Variants in EML5 observed in about 807,000 individuals in gnomAD.
EML5 encodes the protein echinoderm microtubule-associated protein-like 5.
In EML5, 120 loss-of-function variants were observed where a neutral mutation model predicts 250.0. The ratio of observed to expected loss-of-function variants is 0.48; its 90% CI spans 0.41 to 0.56. EML5 has a LOEUF of 0.56. Among genes scored for constraint, EML5 ranks in the 20% least tolerant of loss-of-function variants. The probability of loss-of-function intolerance (pLI) is 0.00; values close to 1 mark genes in which losing one functional copy is unlikely to be tolerated. For synonymous variants in EML5, 771 were observed against 806.5 expected (o/e 0.96, Z 0.75); for missense variants, 2,006 against 2,437.6 (o/e 0.82, Z 3.73).
rs778151289 is a variant in EML5, at chr14:88,785,900, T to A, written c.197+6407A>T. On this transcript the variant is annotated intron_variant, in intron 1 of 43. Transcript: ENST00000554922. ...AAGTCAAATTATGTCACTATTTTGA[T>A]TAAATAGTTCCAATAACTTCCATTC... Among the ~76,000 whole-genome samples the A allele has an allele frequency of 4.3e-4, 65 of 152,228 alleles. No individual in the cohort carries two copies. The Middle Eastern group carries it at 0.014, about 32-fold the overall frequency.
At chr14:88,634,609 T>A in intron 32 of EML5, 120 bp from the exon 33 acceptor site, 1 of 475,628 alleles carries the variant, frequency 2.1e-6, no homozygotes, top group Non-Finnish European at 3.6e-6. Context: ...TACATTTGAT[T>A]GAGTAAACTG....
intron 27 of EML5, 146 bp from the exon 28 acceptor site, chr14:88,650,072 G>T: frequency 2.0e-6 from 1 of 510,656 alleles, no homozygotes; most frequent in Non-Finnish European, 3.3e-6. Context: ...TGTCACATTG[G>T]TTTAAACATT....
Position 88,790,221 on chromosome 14 carries a change from T to G in EML5, c.197+2086A>C, listed in dbSNP as rs532071005. ...ATCATATTAAATTTGTGCCACCAAT[T>G]TCAAGATGCTGTATGATTCAGATTT... is the stretch of plus-strand genomic sequence containing the variant. On this transcript the variant is annotated intron_variant, in intron 1 of 43. Transcript: ENST00000554922. Among the ~76,000 whole-genome samples the G allele has an allele frequency of 7.9e-5, 12 of 152,344 alleles. No individual in the cohort carries two copies. The South Asian group carries it at 1.4e-3, about 18-fold the overall frequency.
At chr14:88,696,791 G>T in intron 15 of EML5, 56 bp downstream of exon 15, 3 of 1,234,136 alleles carry the variant, frequency 2.4e-6, no homozygotes, top group African/African-American at 1.5e-5. Context: ...AGATTAAAAT[G>T]CTATGTGTTG....
intron 13 of EML5, among the ~76,000 whole-genome samples, chr14:88,703,360 A>G (rs949311257): frequency 1.3e-5 from 2 of 152,146 alleles, no homozygotes; most frequent in African/African-American, 4.8e-5. Flanking sequence ...TGGGAGAAAG[A>G]TTTTCAAACT....
chr14:88,642,795 AATTACT>A, intron 31 of EML5, 92 bp downstream of exon 31: 1 of 1,153,412 alleles, frequency 8.7e-7, no homozygotes, highest in Non-Finnish European at 1.2e-6. Context: ...CCTACATTTC[AATTACT>A]ATTTATAGCT....
chr14:88,654,321 C>T (rs575282205), intron 27 of EML5, among the ~76,000 whole-genome samples: 2 of 152,218 alleles, frequency 1.3e-5, no homozygotes, highest in African/African-American at 4.8e-5. Context: ...CTTCTACTAG[C>T]TTTTGAATTT....
chr14:88,740,303 A>C (rs1655752066), intron 5 of EML5, 84 bp downstream of exon 5: 1 of 1,144,242 alleles, frequency 8.7e-7, no homozygotes, highest in African/African-American at 1.5e-5. Context: ...ACTAGAAACA[A>C]TATACTATAT....
rs1002566446 is a variant in EML5 at position 88,688,392 on chromosome 14, G to A, written c.2621C>T (p.Thr874Ile). ...DTMMCAVYGW[T>I]EEMAFSGTST... ...TGTTCCAGAAAAAGCCATCTCTTCA[G>A]TCCATCCATACACTGCACACATCAT... Residue 874 changes from threonine (T) to isoleucine (I), a missense_variant, in exon 18 of 44, where the codon ACT (threonine) becomes ATT (isoleucine). By Grantham distance (89) the Thr-to-Ile change is moderately conservative. Coordinates refer to ENST00000554922, the MANE Select transcript of EML5 (RefSeq NM_183387.3). The A allele has an allele frequency of 1.9e-6, 3 of 1,613,814 alleles. No homozygotes were observed. Among genetic ancestry groups the A allele is most frequent in the Non-Finnish European group, 1.7e-6 (2 of 1,179,876 alleles).
intron 8 of EML5, among the ~76,000 whole-genome samples, chr14:88,720,621 C>T (rs909784012): frequency 2.6e-5 from 4 of 152,072 alleles, no homozygotes; most frequent in South Asian, 2.1e-4. Flanking sequence ...ATTGAAGGAA[C>T]ATCCCCCAAA....
At chr14:88,728,429 A>G (rs371792609) in intron 7 of EML5, among the ~76,000 whole-genome samples, 85 of 152,364 alleles carry the variant, frequency 5.6e-4, no homozygotes, top group African/African-American at 2.0e-3. Context: ...AAGTCTTATC[A>G]ATAACACAAA....
chr14:88,622,777 T>A, intron 36 of EML5, 59 bp from the exon 37 acceptor site: 2 of 1,221,864 alleles, frequency 1.6e-6, no homozygotes, highest in Middle Eastern at 2.0e-4. Flanking sequence ...ATTTTTATTA[T>A]AAACAAATAC....
In EML5 at chr14:88,625,056, G is replaced by T. The variant is rs142374840; in HGVS notation, c.4812C>A (p.Ile1604=). ...CAGGCCCGTTGTGAGCTCTCGCCACGATTCTACACAATATGTGATCTTTCC... is the reference window on the plus strand; with the variant it reads ...CAGGCCCGTTGTGAGCTCTCGCCACTATTCTACACAATATGTGATCTTTCC... ...CVWKDHILCR[I]VARAHNGPVF... is the part of the protein sequence containing the mutation. The change falls in exon 36 of 44, where the codon ATC becomes ATA. Residue 1604 remains isoleucine, a synonymous_variant. Transcript: ENST00000554922. 1.9e-6 allele frequency: 3 copies of T among 1,612,320 alleles called. No homozygotes were observed. The highest frequency in any genetic ancestry group is 2.7e-5 in the African/African-American group (2 of 74,530).
chr14:88,755,036 C>T (rs2094142434), intron 1 of EML5, among the ~76,000 whole-genome samples: 1 of 151,928 alleles, frequency 6.6e-6, no homozygotes, highest in Non-Finnish European at 1.5e-5. Flanking sequence ...AACTCCTGAC[C>T]TCAAGTGATC....
chr14:88,627,703 A>G lies in EML5; in HGVS notation c.4474T>C (p.Leu1492=), dbSNP rs756427249. ...SVSFSATGKL[L]LSVGLDPEHT... The stretch of plus-strand genomic sequence containing the variant: ...TCTGGGTCTAGTCCCACAGACAGCA[A>G]TAGTTTGCCAGTAGCACTGAAGCTG... Residue 1492 remains leucine, a synonymous_variant, in exon 34 of 44, where the codon TTG becomes CTG. Transcript: ENST00000554922. 3.1e-6 allele frequency: 5 copies of G among 1,613,532 alleles called. No individual in the cohort carries two copies. The highest frequency in any genetic ancestry group is 1.7e-5 in the Admixed American group (1 of 59,968).
chr14:88,747,577 C>T (rs1323761776), intron 2 of EML5, among the ~76,000 whole-genome samples: 1 of 151,966 alleles, frequency 6.6e-6, no homozygotes, highest in Non-Finnish European at 1.5e-5. Context: ...ATAACATAAG[C>T]TTAACGTGAG....
chr14:88,747,314 A>C (rs1369033473), intron 2 of EML5, among the ~76,000 whole-genome samples: 1 of 152,100 alleles, frequency 6.6e-6, no homozygotes, highest in Non-Finnish European at 1.5e-5. Context: ...CGGGAGGCTG[A>C]GGCAGGGGAA....
intron 2 of EML5, among the ~76,000 whole-genome samples, chr14:88,752,087 A>G (rs1028862258): frequency 6.6e-6 from 1 of 152,126 alleles, no homozygotes; most frequent in African/African-American, 2.4e-5. Flanking sequence ...GTTCTCATGA[A>G]GATCTCTGAT....
chr14:88,765,660 T>A (rs983411956), intron 1 of EML5, among the ~76,000 whole-genome samples: 6 of 152,200 alleles, frequency 3.9e-5, no homozygotes, highest in Admixed American at 1.3e-4. Flanking sequence ...TTGTTTAACA[T>A]AAAAAATTCA....
Sources: allele counts gnomAD v4.1 joint callset (sites outside exome capture counted in the v4.1 genomes callset), GRCh38; gene constraint gnomAD v4.1.1; transcripts MANE v1.5; gene names NCBI Gene and HGNC (gene_info 2026-07-23, HGNC 2026-07-21).